The following CCDC33 variants were observed in gnomAD, a reference collection of about 807,000 sequenced individuals.
CCDC33 encodes coiled-coil domain containing 33.
In CCDC33, 94 loss-of-function variants were observed where a neutral mutation model predicts 91.9. That is an observed-to-expected ratio of 1.02 (90% confidence interval 0.87 to 1.21). CCDC33 has a LOEUF of 1.21. CCDC33 is among the 50% of genes most tolerant of loss of function. CCDC33 has a pLI of 0.00. For synonymous variants in CCDC33, 396 were observed against 374.5 expected, an observed-to-expected ratio of 1.06 and a Z score of -0.66; for missense variants, 940 against 935.5, an observed-to-expected ratio of 1.00 and a Z score of -0.06.
chr15:74,209,433 C>T lies in CCDC33; in HGVS notation n.135C>T, dbSNP rs558111203. 3.9e-6 allele frequency: 6 copies of T among 1,535,622 alleles called. No individual in the cohort carries two copies. In the East Asian group the frequency reaches 1.2e-4, roughly 31 times the overall value. ...TGCCAGAGGGGAACCACCAGCTCGGCTCTTAATAACCGGATCTGCATCCTG... is the reference window on the plus strand; with the variant it reads ...TGCCAGAGGGGAACCACCAGCTCGGTTCTTAATAACCGGATCTGCATCCTG... On this transcript the variant is annotated non_coding_transcript_exon_variant, in exon 2 of 4. Transcript: ENST00000558645.
intron 2 of CCDC33, among the ~76,000 whole-genome samples, chr15:74,249,758 C>T (rs1167902872): frequency 2.0e-5 from 3 of 152,122 alleles, no homozygotes; most frequent in African/African-American, 7.2e-5. Context: ...CCCAATCTTG[C>T]AAGACCCGTG....
chr15:74,320,854 G>T (rs188844181), intron 11 of CCDC33, among the ~76,000 whole-genome samples: 2 of 152,324 alleles, frequency 1.3e-5, no homozygotes, highest in Non-Finnish European at 2.9e-5. Context: ...TGGTGATGAG[G>T]TTCCAGAGTG....
intron 11 of CCDC33, among the ~76,000 whole-genome samples, chr15:74,297,225 G>C (rs1280305527): frequency 6.6e-6 from 1 of 152,204 alleles, no homozygotes; most frequent in Non-Finnish European, 1.5e-5. Context: ...CGTCACCTCT[G>C]GCCCTTGGGG....
At chr15:74,235,007 T>C (rs1595906571), upstream of CCDC33, among the ~76,000 whole-genome samples, 1 of 152,052 alleles carries the variant, frequency 6.6e-6, no homozygotes, top group East Asian at 1.9e-4. Context: ...GCCTGAGAGG[T>C]TGGGGGAGAT....
Position 74,332,857 on chromosome 15 carries a change from T to A in CCDC33, c.1938+12T>A. On this transcript the variant is annotated intron_variant, in intron 16 of 18. Coordinates refer to ENST00000398814, the MANE Select transcript of CCDC33 (RefSeq NM_025055.5). ...AACAGGCCCTGCCGGTAAGAGGCCC[T>A]TGACCTGGGCCTGCCTATGCCGGTC... is the stretch of plus-strand genomic sequence containing the variant. 2 of 1,612,776 alleles carry A rather than the reference T, an allele frequency of 1.2e-6. No homozygotes were observed. Among genetic ancestry groups the A allele is most frequent in the Non-Finnish European group, 1.7e-6 (2 of 1,179,296 alleles).
chr15:74,203,047 A>C, exon 1 of CCDC33: 3 of 985,760 alleles, frequency 3.0e-6, no homozygotes, highest in Non-Finnish European at 3.6e-6. Flanking sequence ...CCTGCCCGCC[A>C]CATCTGCAGT....
rs143284471 is a variant in CCDC33, at chr15:74,297,085, C to T, written c.1290+1137C>T. Among the ~76,000 whole-genome samples, 747 of 152,282 alleles carry T rather than the reference C, an allele frequency of 4.9e-3. 6 individuals carry two copies. The highest frequency in any genetic ancestry group is 0.017 in the African/African-American group (712 of 41,560). Reference sequence around the variant, plus strand: ...CCTTTCTGGAACATGTCCCATCAGACGAATAGGAAGGCTGGCTGTCTGCTG... The same window carrying T: ...CCTTTCTGGAACATGTCCCATCAGATGAATAGGAAGGCTGGCTGTCTGCTG... On this transcript the variant is annotated intron_variant, in intron 11 of 18. Coordinates refer to ENST00000398814, the MANE Select transcript of CCDC33 (RefSeq NM_025055.5).
intron 5 of CCDC33, among the ~76,000 whole-genome samples, chr15:74,269,174 C>A (rs1392895746): frequency 1.3e-5 from 2 of 152,106 alleles, no homozygotes; most frequent in Non-Finnish European, 2.9e-5. Context: ...CCCATTCCCC[C>A]CAACTTTCAA....
chr15:74,245,160 G>A (rs2075480510), intron 2 of CCDC33, among the ~76,000 whole-genome samples: 2 of 152,084 alleles, frequency 1.3e-5, no homozygotes, highest in African/African-American at 4.8e-5. Flanking sequence ...ACTCCTCTGG[G>A]GCTCCCTGAG....
chr15:74,264,689 G>A (rs2076122725), intron 3 of CCDC33, among the ~76,000 whole-genome samples: 1 of 152,186 alleles, frequency 6.6e-6, no homozygotes, highest in Non-Finnish European at 1.5e-5. Context: ...ATCAGGGTTT[G>A]TGTTTGGAGA....
chr15:74,242,307 G>A (rs892061994), intron 1 of CCDC33, among the ~76,000 whole-genome samples: 5 of 152,160 alleles, frequency 3.3e-5, no homozygotes, highest in African/African-American at 1.2e-4. Context: ...TGACACTCAG[G>A]GCTCCTCAGG....
At chr15:74,324,826 C>T (rs1467737482) in intron 11 of CCDC33, among the ~76,000 whole-genome samples, 3 of 149,994 alleles carry the variant, frequency 2.0e-5, no homozygotes, top group Admixed American at 6.6e-5. Context: ...TCCAGACCTG[C>T]GCCTCCTCCA....
intron 5 of CCDC33, among the ~76,000 whole-genome samples, chr15:74,269,322 C>A (rs1179364704): frequency 6.6e-6 from 1 of 151,340 alleles, no homozygotes; most frequent in African/African-American, 2.4e-5. Flanking sequence ...CCCTACTTCC[C>A]ACCAGCACCG....
chr15:74,332,832 A>C lies in CCDC33; in HGVS notation c.1925A>C (p.Gln642Pro). Residue 642 changes from glutamine to proline, a missense_variant, in exon 16 of 19, where the codon CAA becomes CCA. Transcript: ENST00000398814. ...CAGCAGGCCCCCATCATTCTGCAGCAACAGGCCCTGCCGGTAAGAGGCCCT... is the reference window on the plus strand; with the variant it reads ...CAGCAGGCCCCCATCATTCTGCAGCCACAGGCCCTGCCGGTAAGAGGCCCT... ...RHQQAPIILQ[Q>P]QALPDLLSGT... 1 of 1,614,068 alleles carries C rather than the reference A, an allele frequency of 6.2e-7. No individual in the cohort carries two copies. Among genetic ancestry groups the C allele is most frequent in the Non-Finnish European group, 8.5e-7 (1 of 1,179,944 alleles).
intron 10 of CCDC33, among the ~76,000 whole-genome samples, chr15:74,286,261 C>G (rs550483996): frequency 6.6e-6 from 1 of 152,004 alleles, no homozygotes; most frequent in Non-Finnish European, 1.5e-5. Context: ...CAAAAACAAA[C>G]AAACAAAAAA....
chr15:74,226,322 A>G (rs533783256), intron 2 of CCDC33, among the ~76,000 whole-genome samples: 4 of 152,178 alleles, frequency 2.6e-5, no homozygotes, highest in Non-Finnish European at 5.9e-5. Context: ...AGCAGTTATG[A>G]CTTGGAGCAG....
chr15:74,249,785 C>T (rs2075649175), intron 2 of CCDC33, among the ~76,000 whole-genome samples: 2 of 152,234 alleles, frequency 1.3e-5, no homozygotes, highest in South Asian at 2.1e-4. Context: ...GTCTCAATTT[C>T]GCTGTTCCCT....
At chr15:74,234,474 C>A (rs899603812), upstream of CCDC33, among the ~76,000 whole-genome samples, 2 of 151,898 alleles carry the variant, frequency 1.3e-5, no homozygotes, top group African/African-American at 2.4e-5. Flanking sequence ...GGCCTTCTCA[C>A]AGGCAAGGAG....
intron 11 of CCDC33, among the ~76,000 whole-genome samples, chr15:74,312,483 C>G (rs1224827609): frequency 2.6e-5 from 4 of 152,148 alleles, no homozygotes; most frequent in Non-Finnish European, 5.9e-5. Flanking sequence ...GCAGATCCAG[C>G]GAGACATCGG....
Sources: allele counts gnomAD v4.1 joint callset (sites outside exome capture counted in the v4.1 genomes callset), GRCh38; gene constraint gnomAD v4.1.1; transcripts MANE v1.5; gene names NCBI Gene and HGNC (gene_info 2026-07-23, HGNC 2026-07-21).